APBB1IP: variants seen among roughly 807,000 people sequenced by gnomAD.
APBB1IP encodes the protein amyloid beta precursor protein binding family B member 1 interacting protein, also known as amyloid beta A4 precursor protein-binding family B member 1-interacting protein.
APBB1IP carries 27 observed loss-of-function variants against 64.9 expected under a neutral mutation model. That is an observed-to-expected ratio of 0.42 (90% CI 0.31 to 0.57). APBB1IP has a LOEUF of 0.57. APBB1IP is among the 20% of genes least tolerant of loss of function. The probability of loss-of-function intolerance (pLI) is 0.20; values close to 1 mark genes in which losing one functional copy is unlikely to be tolerated. For missense variants in APBB1IP, 812 were observed against 845.5 expected (o/e 0.96, Z 0.49); for synonymous variants, 392 against 331.0 (o/e 1.18, Z -2.00).
chr10:26,478,870 T>C (rs1207077237), intron 2 of APBB1IP, among the ~76,000 whole-genome samples: 4 of 152,032 alleles, frequency 2.6e-5, no homozygotes, highest in Admixed American at 2.0e-4. Context: ...GGCTCCCTTT[T>C]AAAAAGAAGG....
chr10:26,487,842 C>G (rs1220654983), intron 2 of APBB1IP, among the ~76,000 whole-genome samples: 1 of 152,114 alleles, frequency 6.6e-6, no homozygotes, highest in Non-Finnish European at 1.5e-5. Context: ...GAGAATGAAT[C>G]AATGGCAAGA....
chr10:26,541,268 G>A (rs1162243065), intron 10 of APBB1IP, among the ~76,000 whole-genome samples: 1 of 152,156 alleles, frequency 6.6e-6, no homozygotes, highest in East Asian at 1.9e-4. Flanking sequence ...ATCAGATCAA[G>A]GTAATTAGCA....
At chr10:26,443,085 T>G (rs1034248647) in intron 2 of APBB1IP, among the ~76,000 whole-genome samples, 1 of 152,148 alleles carries the variant, frequency 6.6e-6, no homozygotes, top group African/African-American at 2.4e-5. Flanking sequence ...ATTGATAAAG[T>G]GACCAAGAAT....
chr10:26,496,336 C>G lies in APBB1IP; in HGVS notation c.105C>G (p.Asp35Glu), dbSNP rs556843650. ...GAGTTGACACTCTCCCTCCTCCTGA[C>G]CCTAATCCACCCAGAGCTGAATTTA... The part of the protein sequence containing the change: ...SLGVDTLPPP[D>E]PNPPRAEFNY... Residue 35 changes from aspartate to glutamate, a missense_variant, in exon 4 of 15, where the codon GAC becomes GAG. Physicochemically the swap from Asp to Glu is conservative, Grantham distance 45. Around this residue, in one of 3 missense-constraint regions of APBB1IP, gnomAD observed 394 missense variants for 413.1 expected, o/e 0.95. Transcript: ENST00000376236. 6.2e-7 allele frequency: 1 copy of G among 1,612,924 alleles called. No individual in the cohort carries two copies. The highest frequency in any genetic ancestry group is 2.2e-5 in the East Asian group (1 of 44,766).
intron 11 of APBB1IP, among the ~76,000 whole-genome samples, chr10:26,554,140 A>G (rs1836865962): frequency 6.6e-6 from 1 of 152,174 alleles, no homozygotes; most frequent in Non-Finnish European, 1.5e-5. Flanking sequence ...CACTGATTTC[A>G]ACATTTCCTC....
At chr10:26,532,525 A>G (rs1836567270) in intron 8 of APBB1IP, among the ~76,000 whole-genome samples, 1 of 152,104 alleles carries the variant, frequency 6.6e-6, no homozygotes, top group South Asian at 2.1e-4. Context: ...TCTGTTGCCC[A>G]GGCTGGAGTG....
intron 11 of APBB1IP, among the ~76,000 whole-genome samples, chr10:26,554,374 T>C (rs12355051): frequency 0.22 from 33,819 of 152,148 alleles, 4,417 homozygotes; most frequent in Non-Finnish European, 0.28. Flanking sequence ...AGAGGCAAAA[T>C]CTGTTCCATG....
chr10:26,453,194 C>CTGTA (rs1346517861), intron 2 of APBB1IP, among the ~76,000 whole-genome samples: 1 of 152,130 alleles, frequency 6.6e-6, no homozygotes, highest in African/African-American at 2.4e-5. Context: ...CAGAATGGAG[C>CTGTA]TGTAGGTCTT....
At position 26,496,305 on chromosome 10, in the gene APBB1IP, G is replaced by A; in HGVS notation, c.74G>A (p.Ser25Asn). 1 of 1,610,318 alleles carries A rather than the reference G, an allele frequency of 6.2e-7. No individual in the cohort carries two copies. Among genetic ancestry groups the A allele is most frequent in the African/African-American group, 1.3e-5 (1 of 74,872 alleles). The change falls in exon 4 of 15, where the codon AGT (serine) becomes AAT (asparagine). Residue 25 changes from serine (S) to asparagine (N), a missense_variant and splice_region_variant. Transcript: ENST00000376236. The stretch of plus-strand genomic sequence containing the variant: ...TGATGGGGGGATCTTTTTTCACAGA[G>A]TTTAGGAGTTGACACTCTCCCTCCT... ...LLGEMDLLTQSLGVDTLPPPD... is the reference protein window; with the variant it reads ...LLGEMDLLTQNLGVDTLPPPD...
intron 11 of APBB1IP, among the ~76,000 whole-genome samples, chr10:26,559,006 C>G (rs1836932489): frequency 6.6e-6 from 1 of 152,116 alleles, no homozygotes; most frequent in Non-Finnish European, 1.5e-5. Flanking sequence ...TTGGGCAGCA[C>G]ATAGCAGTTA....
At chr10:26,459,011 C>T (rs1475621427) in intron 2 of APBB1IP, among the ~76,000 whole-genome samples, 1 of 151,480 alleles carries the variant, frequency 6.6e-6, no homozygotes, top group African/African-American at 2.4e-5. Context: ...CATATATATA[C>T]ATGTGCCATG....
At chr10:26,470,888 C>T (rs533328336) in intron 2 of APBB1IP, among the ~76,000 whole-genome samples, 24 of 152,080 alleles carry the variant, frequency 1.6e-4, no homozygotes, top group African/African-American at 5.3e-4. Flanking sequence ...CCTCAGCCTG[C>T]GTCCTTGCCC....
intron 8 of APBB1IP, among the ~76,000 whole-genome samples, chr10:26,531,335 C>CA (rs941413640): frequency 8.0e-5 from 12 of 150,290 alleles, no homozygotes; most frequent in Non-Finnish European, 1.6e-4. Context: ...GACGCTGTCT[C>CA]AAAAAAACAA....
At position 26,561,099 on chromosome 10, in the gene APBB1IP, C is replaced by T. The variant is rs865851377; in HGVS notation, c.1369+255C>T. On this transcript the variant is annotated intron_variant, in intron 13 of 14. Coordinates refer to ENST00000376236, the MANE Select transcript of APBB1IP (RefSeq NM_019043.4). ...TTTTTTTTTTTTTTTGAGACTCTCT[C>T]GCACTGTTGCCCAGGCTGGAGTGCA... 1.9e-4 allele frequency among the ~76,000 whole-genome samples: 19 copies of T among 99,206 alleles called. 1 individual carries two copies. The highest frequency in any genetic ancestry group is 7.3e-4 in the East Asian group (2 of 2,726). 65.1% of individuals were successfully genotyped at this position (99,206 alleles called of 152,430 possible).
At chr10:26,498,480 G>T (rs1285275145) in intron 4 of APBB1IP, among the ~76,000 whole-genome samples, 1 of 152,136 alleles carries the variant, frequency 6.6e-6, no homozygotes, top group Non-Finnish European at 1.5e-5. Context: ...CTGCACTTCA[G>T]CCTGGATGAC....
At chr10:26,511,671 C>A in intron 6 of APBB1IP, 76 bp from the exon 7 acceptor site, 6 of 1,543,828 alleles carry the variant, frequency 3.9e-6, no homozygotes, top group Non-Finnish European at 5.3e-6. Flanking sequence ...GAAACAATAG[C>A]AACTTTGAAA....
chr10:26,558,144 C>CAA (rs1016653559), intron 11 of APBB1IP, among the ~76,000 whole-genome samples: 1 of 149,374 alleles, frequency 6.7e-6, no homozygotes, highest in Non-Finnish European at 1.5e-5. Context: ...CACACAAACA[C>CAA]ACACACACAC....
chr10:26,493,026 G>GC (rs951942268), intron 3 of APBB1IP, among the ~76,000 whole-genome samples: 42 of 152,050 alleles, frequency 2.8e-4, no homozygotes, highest in Admixed American at 5.9e-4. Context: ...CATTTTAGAG[G>GC]CCCCCCCGGG....
At chr10:26,467,754 G>A (rs1241116715) in intron 2 of APBB1IP, among the ~76,000 whole-genome samples, 2 of 152,180 alleles carry the variant, frequency 1.3e-5, no homozygotes, top group African/African-American at 2.4e-5. Flanking sequence ...AAGTGTCTGG[G>A]TGATGCTGGT....
Sources: gnomAD v4.1 joint callset for allele counts (sites outside exome capture counted in the v4.1 genomes callset) on GRCh38, gnomAD v4.1.1 for gene constraint, gnomAD v4.1.1 regional missense constraint, MANE v1.5 for transcripts, NCBI Gene and HGNC (gene_info 2026-07-23, HGNC 2026-07-21) for gene names.